The following TTLL5 variants were observed in gnomAD, a reference collection of about 807,000 sequenced individuals.
The protein encoded by TTLL5 is tubulin polyglutamylase TTLL5.
TTLL5 carries 132 observed loss-of-function variants against 168.4 expected under a neutral mutation model. The observed-to-expected ratio is 0.78, with a 90% CI of 0.68 to 0.91. TTLL5 has a LOEUF of 0.91. Among genes scored for constraint, TTLL5 ranks in the 40% least tolerant of loss-of-function variants. The probability of loss-of-function intolerance (pLI) is 0.00; values close to 1 mark genes in which losing one functional copy is unlikely to be tolerated. For synonymous variants in TTLL5, 546 were observed against 558.6 expected (o/e 0.98, Z 0.32); for missense variants, 1,545 against 1,581.5 (o/e 0.98, Z 0.39).
At chr14:75,926,497 A>G (rs1321095451) in intron 31 of TTLL5, among the ~76,000 whole-genome samples, 4 of 152,138 alleles carry the variant, frequency 2.6e-5, no homozygotes, top group South Asian at 2.1e-4. Context: ...CAACAACCCA[A>G]TTTTTTAAAC....
intron 15 of TTLL5, among the ~76,000 whole-genome samples, chr14:75,736,988 C>G (rs952822176): frequency 6.6e-6 from 1 of 152,170 alleles, no homozygotes; most frequent in African/African-American, 2.4e-5. Context: ...GTATCTGTGG[C>G]AAGAACCACA....
At chr14:75,743,442 G>A (rs1889388173) in intron 15 of TTLL5, among the ~76,000 whole-genome samples, 1 of 151,678 alleles carries the variant, frequency 6.6e-6, no homozygotes, top group African/African-American at 2.4e-5. Context: ...GGCAAGATAG[G>A]CTTCATTCTA....
chr14:75,795,426 AT>A (rs1445489868), intron 27 of TTLL5, among the ~76,000 whole-genome samples: 2 of 151,980 alleles, frequency 1.3e-5, no homozygotes. Flanking sequence ...GGTACATACG[AT>A]TTTTTTTATT....
chr14:75,861,113 A>T (rs1434614538), intron 28 of TTLL5, among the ~76,000 whole-genome samples: 1 of 152,184 alleles, frequency 6.6e-6, no homozygotes, highest in East Asian at 1.9e-4. Flanking sequence ...AGAAAACTTA[A>T]TAGATAAGCT....
chr14:75,861,607 T>A (rs2030009770), intron 28 of TTLL5, among the ~76,000 whole-genome samples: 1 of 152,208 alleles, frequency 6.6e-6, no homozygotes, highest in African/African-American at 2.4e-5. Flanking sequence ...AATACTTTTC[T>A]CAATTTAGGC....
chr14:75,715,699 C>T lies in TTLL5; in HGVS notation c.741-2162C>T, dbSNP rs147583718. On this transcript the variant is annotated intron_variant, in intron 9 of 31. Transcript: ENST00000298832. ...ACTTTAATTTTTGCTGCTTCTGCTT[C>T]ATACACTCAGTTTAGAATTCCACGC... Among the ~76,000 whole-genome samples, 334 of 152,232 alleles carry T rather than the reference C, an allele frequency of 2.2e-3. 1 individual carries two copies. The highest frequency in any genetic ancestry group is 7.6e-3 in the African/African-American group (315 of 41,550).
At chr14:75,707,162 C>G in intron 8 of TTLL5, 75 bp downstream of exon 8, 2 of 1,144,198 alleles carry the variant, frequency 1.7e-6, no homozygotes, top group Non-Finnish European at 2.6e-6. Context: ...ATAGCCTTCT[C>G]TAGTAAGTCT....
intron 8 of TTLL5, 22 bp from the exon 9 acceptor site, chr14:75,707,601 A>G: frequency 1.3e-6 from 2 of 1,598,076 alleles, no homozygotes; most frequent in Non-Finnish European, 8.5e-7. Context: ...TTTTTTTGTG[A>G]ATACAAACTT....
chr14:75,700,187 C>T (rs190064566), intron 7 of TTLL5, among the ~76,000 whole-genome samples: 1 of 152,266 alleles, frequency 6.6e-6, no homozygotes, highest in African/African-American at 2.4e-5. Context: ...ATGAGCCGGG[C>T]ATGAGAGGGC....
chr14:75,821,765 T>C (rs1185648014), intron 28 of TTLL5, among the ~76,000 whole-genome samples: 1 of 152,316 alleles, frequency 6.6e-6, no homozygotes, highest in Non-Finnish European at 1.5e-5. Context: ...CCAGCCAGAC[T>C]GCCCACGAGG....
At chr14:75,661,955 A>C (rs1272638749) in intron 1 of TTLL5, among the ~76,000 whole-genome samples, 12 of 152,184 alleles carry the variant, frequency 7.9e-5, no homozygotes, top group Non-Finnish European at 1.8e-4. Flanking sequence ...ATTATCGCTG[A>C]GTAATTTGGG....
intron 28 of TTLL5, chr14:75,847,538 A>G (rs749336877): frequency 6.6e-6 from 1 of 152,080 alleles, no homozygotes; most frequent in African/African-American, 2.4e-5. Flanking sequence ...AATGTTTACT[A>G]TGTATACAAC....
At chr14:75,925,605 G>T (rs1230579057) in intron 31 of TTLL5, among the ~76,000 whole-genome samples, 1 of 150,900 alleles carries the variant, frequency 6.6e-6, no homozygotes, top group Non-Finnish European at 1.5e-5. Context: ...CGTCCCAGAC[G>T]ATGGGCGGCC....
intron 31 of TTLL5, among the ~76,000 whole-genome samples, chr14:75,930,132 T>G (rs1595290647): frequency 6.6e-6 from 1 of 152,328 alleles, no homozygotes; most frequent in East Asian, 1.9e-4. Flanking sequence ...TGGCCTTGCT[T>G]GTATGGTCTA....
intron 31 of TTLL5, among the ~76,000 whole-genome samples, chr14:75,925,148 C>G (rs1317789581): frequency 6.8e-6 from 1 of 148,000 alleles, no homozygotes; most frequent in African/African-American, 2.5e-5. Context: ...CTGACCCCCC[C>G]ACCTCCCTCC....
intron 30 of TTLL5, among the ~76,000 whole-genome samples, chr14:75,892,909 C>T (rs1265155609): frequency 6.6e-6 from 1 of 152,066 alleles, no homozygotes; most frequent in Non-Finnish European, 1.5e-5. Context: ...TGTCAGGGGT[C>T]TGGGTGAAGG....
chr14:75,837,154 C>T (rs535824847), intron 28 of TTLL5: 1 of 152,376 alleles, frequency 6.6e-6, no homozygotes, highest in Non-Finnish European at 1.5e-5. Context: ...GAAGGCTTAC[C>T]TGGGGCTAGA....
intron 28 of TTLL5, among the ~76,000 whole-genome samples, chr14:75,828,165 G>A (rs948861746): frequency 6.6e-6 from 1 of 152,132 alleles, no homozygotes. Context: ...GCCATAAAGA[G>A]GTTAGTAAAT....
intron 30 of TTLL5, among the ~76,000 whole-genome samples, chr14:75,885,351 G>A (rs2032056302): frequency 6.6e-6 from 1 of 151,592 alleles, no homozygotes. Context: ...AATTAGCCGT[G>A]CATGATGGTG....
Sources: gnomAD v4.1 joint callset for allele counts (sites outside exome capture counted in the v4.1 genomes callset) on GRCh38, gnomAD v4.1.1 for gene constraint, MANE v1.5 for transcripts, NCBI Gene and HGNC (gene_info 2026-07-23, HGNC 2026-07-21) for gene names.